Variants in NOX3 observed in about 807,000 individuals in gnomAD.
NOX3 encodes the protein NADPH oxidase 3, also known as NADPH oxidase catalytic subunit-like 3.
Under a neutral mutation model 76.7 loss-of-function variants are expected in NOX3, and 74 were observed. The ratio of observed to expected loss-of-function variants is 0.96; its 90% confidence interval spans 0.80 to 1.17. The LOEUF (loss-of-function observed/expected upper bound fraction) is 1.17. Ranked by LOEUF, NOX3 falls within the 50% of genes most tolerant of loss-of-function variation. NOX3 has a pLI of 0.00. For missense variants in NOX3, 695 were observed against 703.3 expected (o/e 0.99, Z 0.13); for synonymous variants, 263 against 261.1 (o/e 1.01, Z -0.07).
At chr6:155,449,171 G>A (rs1777102632) in intron 4 of NOX3, among the ~76,000 whole-genome samples, 1 of 152,030 alleles carries the variant, frequency 6.6e-6, no homozygotes, top group Non-Finnish European at 1.5e-5. Context: ...CCCTTATTCT[G>A]TGCTCTCTCC....
intron 4 of NOX3, among the ~76,000 whole-genome samples, chr6:155,445,957 C>CTATATATATAATATATATATGATATA (rs1562472078): frequency 7.9e-6 from 1 of 126,118 alleles, no homozygotes; most frequent in African/African-American, 3.1e-5. Flanking sequence ...TATATATATG[C>CTATATATATAATATATATATGATATA]TATATATATA....
chr6:155,404,551 C>A (rs1418556208), intron 12 of NOX3, among the ~76,000 whole-genome samples: 2 of 152,200 alleles, frequency 1.3e-5, no homozygotes, highest in Admixed American at 1.3e-4. Flanking sequence ...TCAGAATGAG[C>A]CCCGTGGGGC....
chr6:155,446,320 CACAA>C (rs1185757351), intron 4 of NOX3, among the ~76,000 whole-genome samples: 2 of 152,134 alleles, frequency 1.3e-5, no homozygotes, highest in African/African-American at 2.4e-5. Flanking sequence ...CTAAATTGAA[CACAA>C]ACATTGTCCA....
Position 155,411,301 on chromosome 6 carries a change from TAAGAGATCAGCA to T in NOX3, c.1356_1367del (p.Phe452_Leu455del). ...CACTCATCCGTGTTTCCAGGGAGAG[TAAGAGATCAGCA>T]AACCACTCAAAAGCTCTTGCATCCC... On this transcript the variant is annotated inframe_deletion, in exon 11 of 14. Transcript: ENST00000159060. 6.2e-7 allele frequency: 1 copy of T among 1,613,822 alleles called. No homozygotes were observed. Among genetic ancestry groups the T allele is most frequent in the Non-Finnish European group, 8.5e-7 (1 of 1,179,896 alleles).
chr6:155,400,290 C>A (rs1387583624), intron 12 of NOX3, among the ~76,000 whole-genome samples: 7 of 152,158 alleles, frequency 4.6e-5, no homozygotes, highest in African/African-American at 1.7e-4. Flanking sequence ...TGCCGTGAGC[C>A]CTTCTCTCCT....
chr6:155,433,183 A>T (rs900669844), intron 7 of NOX3, among the ~76,000 whole-genome samples: 1 of 152,096 alleles, frequency 6.6e-6, no homozygotes, highest in Non-Finnish European at 1.5e-5. Context: ...TTCAGGTAGG[A>T]GAATATAAGC....
intron 7 of NOX3, among the ~76,000 whole-genome samples, chr6:155,435,458 G>C (rs565348123): frequency 5.4e-4 from 82 of 152,082 alleles, no homozygotes; most frequent in Admixed American, 1.0e-3. Context: ...CGGTTCTCTC[G>C]GTTTTAATCA....
At chr6:155,451,668 A>G (rs1218138980) in intron 4 of NOX3, among the ~76,000 whole-genome samples, 2 of 152,026 alleles carry the variant, frequency 1.3e-5, no homozygotes, top group East Asian at 1.9e-4. Flanking sequence ...TGTGCTGCCC[A>G]GGCTGGAGTG....
At chr6:155,430,043 T>C (rs964221680) in intron 8 of NOX3, among the ~76,000 whole-genome samples, 1 of 152,100 alleles carries the variant, frequency 6.6e-6, no homozygotes, top group African/African-American at 2.4e-5. Flanking sequence ...TAGGAAGCAA[T>C]TTCTATACAT....
chr6:155,451,731 C>G (rs1247294317), intron 4 of NOX3, among the ~76,000 whole-genome samples: 1 of 151,942 alleles, frequency 6.6e-6, no homozygotes, highest in Non-Finnish European at 1.5e-5. Flanking sequence ...CTCAAGCTAT[C>G]CTCCCACCAA....
intron 12 of NOX3, among the ~76,000 whole-genome samples, chr6:155,402,746 T>G (rs1440594022): frequency 1.3e-5 from 2 of 152,244 alleles, no homozygotes; most frequent in Non-Finnish European, 2.9e-5. Context: ...AAGAACAAAC[T>G]CCAGCTTTGA....
intron 12 of NOX3, among the ~76,000 whole-genome samples, chr6:155,404,319 G>A (rs993920561): frequency 6.6e-6 from 1 of 152,118 alleles, no homozygotes; most frequent in African/African-American, 2.4e-5. Flanking sequence ...GGGCCCTGGA[G>A]CCAGGGCTGG....
intron 6 of NOX3, among the ~76,000 whole-genome samples, chr6:155,437,717 A>G (rs1011330532): frequency 4.6e-5 from 7 of 152,240 alleles, no homozygotes; most frequent in Non-Finnish European, 1.0e-4. Context: ...AGCATTCCCC[A>G]TAGTGTCTAA....
chr6:155,422,879 C>T lies in NOX3; in HGVS notation c.1146-23G>A, dbSNP rs1889503. ...AGCCTGGAATCATAGAGGAATGCAG[C>T]CTATTTGACCTTCAGAACACCTTGC... is the stretch of plus-strand genomic sequence containing the variant. On this transcript the variant is annotated intron_variant, in intron 9 of 13. Transcript: ENST00000159060. The T allele has an allele frequency of 2.5e-6, 4 of 1,612,810 alleles. No homozygotes were observed. In the East Asian group the frequency reaches 6.7e-5, roughly 27 times the overall value.
At chr6:155,409,527 C>T (rs1026487714) in intron 11 of NOX3, among the ~76,000 whole-genome samples, 3 of 152,120 alleles carry the variant, frequency 2.0e-5, no homozygotes, top group Non-Finnish European at 4.4e-5. Flanking sequence ...ATTTCTCAGC[C>T]CAATGTTCAA....
intron 10 of NOX3, among the ~76,000 whole-genome samples, chr6:155,419,433 A>T (rs1303988931): frequency 6.6e-6 from 1 of 152,166 alleles, no homozygotes; most frequent in South Asian, 2.1e-4. Context: ...CGAGGTGCAG[A>T]TACTGACTTT....
At chr6:155,410,133 G>T (rs751362203) in intron 11 of NOX3, among the ~76,000 whole-genome samples, 33 of 152,188 alleles carry the variant, frequency 2.2e-4, no homozygotes, top group Non-Finnish European at 3.8e-4. Flanking sequence ...GATGTTTCAA[G>T]CCTAGTTCCC....
chr6:155,406,009 G>T (rs1488074937), intron 12 of NOX3, among the ~76,000 whole-genome samples: 1 of 152,122 alleles, frequency 6.6e-6, no homozygotes, highest in Non-Finnish European at 1.5e-5. Context: ...CTCTGTTCTG[G>T]GATCATGCCA....
intron 11 of NOX3, among the ~76,000 whole-genome samples, chr6:155,407,730 G>T (rs574146063): frequency 9.2e-5 from 14 of 152,326 alleles, no homozygotes; most frequent in African/African-American, 3.4e-4. Flanking sequence ...CTTACAATGA[G>T]ACCTGCCTAG....
Sources: gnomAD v4.1 joint callset for allele counts (sites outside exome capture counted in the v4.1 genomes callset) on GRCh38, gnomAD v4.1.1 for gene constraint, MANE v1.5 for transcripts, NCBI Gene and HGNC (gene_info 2026-07-23, HGNC 2026-07-21) for gene names.